ATP2B1: variants seen among roughly 807,000 people sequenced by gnomAD.
The protein encoded by ATP2B1 is ATPase plasma membrane Ca2+ transporting 1, also known as plasma membrane calcium-transporting ATPase 1.
Under a neutral mutation model 124.2 loss-of-function variants are expected in ATP2B1, and 14 were observed. The observed-to-expected ratio is 0.11, with a 90% CI of 0.07 to 0.18. The LOEUF (loss-of-function observed/expected upper bound fraction) is 0.18, where lower values mean the gene tolerates loss of function less well. ATP2B1 is among the 10% of genes least tolerant of loss of function. The pLI, the probability that ATP2B1 is intolerant of heterozygous loss-of-function variation, is 1.00. For missense variants in ATP2B1, 763 were observed against 1,466.1 expected (o/e 0.52, Z 7.83); for synonymous variants, 449 against 492.4 (o/e 0.91, Z 1.17).
chr12:89,623,577 G>C (rs1469189558), intron 9 of ATP2B1, among the ~76,000 whole-genome samples: 1 of 152,154 alleles, frequency 6.6e-6, no homozygotes, highest in Non-Finnish European at 1.5e-5. Flanking sequence ...TAAAGAAAGA[G>C]AGCAGGTTAC....
chr12:89,662,565 T>C (rs751244074), intron 1 of ATP2B1, among the ~76,000 whole-genome samples: 7 of 152,172 alleles, frequency 4.6e-5, no homozygotes, highest in Non-Finnish European at 1.0e-4. Context: ...ACATAAAAGA[T>C]CATTAAACCT....
intron 12 of ATP2B1, 125 bp from the exon 13 acceptor site, chr12:89,611,497 A>C (rs945002962): frequency 2.7e-5 from 19 of 706,814 alleles, no homozygotes; most frequent in Admixed American, 6.8e-5. Context: ...CAATGACTTA[A>C]TAATGATTGA....
At chr12:89,614,009 T>C (rs1452534177) in intron 12 of ATP2B1, among the ~76,000 whole-genome samples, 2 of 152,194 alleles carry the variant, frequency 1.3e-5, no homozygotes, top group African/African-American at 4.8e-5. Context: ...TCTCATTTTG[T>C]GATACTGAAA....
intron 1 of ATP2B1, among the ~76,000 whole-genome samples, chr12:89,671,038 A>G (rs1887908577): frequency 6.6e-6 from 1 of 152,058 alleles, no homozygotes; most frequent in South Asian, 2.1e-4. Flanking sequence ...AAGGAATTAA[A>G]ATTTAAAATC....
intron 20 of ATP2B1, 93 bp downstream of exon 20, chr12:89,599,024 G>C: frequency 7.1e-7 from 1 of 1,416,754 alleles, no homozygotes; most frequent in Non-Finnish European, 9.6e-7. Context: ...GGGAAGGCTA[G>C]AGAGGAAGTT....
At chr12:89,622,649 G>A (rs975330229) in intron 9 of ATP2B1, among the ~76,000 whole-genome samples, 3 of 152,046 alleles carry the variant, frequency 2.0e-5, no homozygotes, top group African/African-American at 4.8e-5. Flanking sequence ...AAAAACGGAT[G>A]TGTATTTCCT....
Position 89,621,803 on chromosome 12 carries a change from A to AG in ATP2B1, c.1345-13_1345-12insC, listed in dbSNP as rs557874927. The AG allele has an allele frequency of 8.5e-7, 1 of 1,178,486 alleles. No homozygotes were observed. Among genetic ancestry groups the AG allele is most frequent in the Non-Finnish European group, 1.1e-6 (1 of 921,294 alleles). 73.0% of individuals were successfully genotyped at this position (1,178,486 alleles called of 1,614,324 possible). On this transcript the variant is annotated splice_polypyrimidine_tract_variant and intron_variant, in intron 9 of 20. Coordinates refer to ENST00000428670, the MANE Select transcript of ATP2B1 (RefSeq NM_001366521.1). Reference sequence around the variant, plus strand: ...TCTTTCATCATTTTCTACAGTGACCAAAAAAAAAAAACTAGTTAAGCTGCA... The same window carrying AG: ...TCTTTCATCATTTTCTACAGTGACCAGAAAAAAAAAAACTAGTTAAGCTGCA...
intron 11 of ATP2B1, among the ~76,000 whole-genome samples, chr12:89,618,090 AT>A (rs141357525): frequency 0.036 from 5,374 of 149,640 alleles, 295 homozygotes; most frequent in African/African-American, 0.13. Flanking sequence ...TCTCTAGTTG[AT>A]TTTTTTTTTC....
chr12:89,608,840 T>C (rs1877460905), intron 15 of ATP2B1, among the ~76,000 whole-genome samples: 1 of 152,220 alleles, frequency 6.6e-6, no homozygotes, highest in Non-Finnish European at 1.5e-5. Context: ...CACTTAATTA[T>C]TCCATAGACC....
intron 3 of ATP2B1, among the ~76,000 whole-genome samples, chr12:89,638,204 A>T (rs1046897311): frequency 6.6e-6 from 1 of 152,246 alleles, no homozygotes; most frequent in Admixed American, 6.5e-5. Flanking sequence ...AAGCTCAAAT[A>T]TAATAATAAA....
intron 7 of ATP2B1, 34 bp downstream of exon 7, chr12:89,627,644 C>T: frequency 1.2e-6 from 2 of 1,607,084 alleles, no homozygotes; most frequent in Non-Finnish European, 1.7e-6. Flanking sequence ...ATAATGAAAA[C>T]AAGCTCACTG....
At position 89,630,629 on chromosome 12, in the gene ATP2B1, T is replaced by C; in HGVS notation, c.804A>G (p.Glu268=). 1.3e-6 allele frequency: 2 copies of C among 1,582,912 alleles called. No homozygotes were observed. Among genetic ancestry groups the C allele is most frequent in the South Asian group, 1.2e-5 (1 of 85,688 alleles). ...PLLLSGTHVM[E]GSGRMVVTAV... ...CTGTAACTACCATTCTTCCAGAGCC[T>C]TCCATTACATGAGTACCTATAACCA... The change falls in exon 6 of 21, where the codon GAA becomes GAG. Residue 268 remains glutamate, a synonymous_variant. Coordinates refer to ENST00000428670, the MANE Select transcript of ATP2B1 (RefSeq NM_001366521.1).
intron 18 of ATP2B1, 73 bp downstream of exon 18, chr12:89,602,970 G>A (rs935240476): frequency 7.6e-7 from 1 of 1,315,176 alleles, no homozygotes; most frequent in Non-Finnish European, 1.1e-6. Context: ...ACAAGTGATT[G>A]CTAGAACAAG....
Position 89,592,050 on chromosome 12 carries a change from C to T in ATP2B1, c.3352-755G>A, listed in dbSNP as rs550161458. ...TTCTGTGAAAAATTTCCCAAGAAGA[C>T]ACAAAGTGTTAAAAGTTTTCTAGTA... On this transcript the variant is annotated intron_variant, in intron 20 of 20. Transcript: ENST00000428670. Among the ~76,000 whole-genome samples the T allele has an allele frequency of 3.9e-5, 6 of 152,094 alleles. No individual in the cohort carries two copies. In the East Asian group the frequency reaches 9.7e-4, roughly 24 times the overall value.
At position 89,699,876 on chromosome 12, in the gene ATP2B1, CCT is replaced by C. The variant is rs1452268155; in HGVS notation, c.-222+8718_-222+8719del. ...TATTTTTTGAGACAGAGACGGTCTC[CCT>C]CTGTCGCCCAGGCTGTAGTGCTGTG... On this transcript the variant is annotated intron_variant, in intron 1 of 20. Transcript: ENST00000428670. 9.9e-5 allele frequency among the ~76,000 whole-genome samples: 15 copies of C among 152,074 alleles called. 1 individual carries two copies. Among genetic ancestry groups the C allele is most frequent in the African/African-American group, 3.6e-4 (15 of 41,490 alleles).
chr12:89,625,531 G>A (rs146682284), intron 8 of ATP2B1, among the ~76,000 whole-genome samples: 2 of 146,430 alleles, frequency 1.4e-5, no homozygotes, highest in Non-Finnish European at 3.0e-5. Flanking sequence ...GGTTCAGTGA[G>A]CTGTGATCAT....
chr12:89,633,995 T>C (rs1026782617), intron 5 of ATP2B1, among the ~76,000 whole-genome samples: 1 of 152,144 alleles, frequency 6.6e-6, no homozygotes, highest in Non-Finnish European at 1.5e-5. Flanking sequence ...TGTGATACTA[T>C]AGCTTTCTCT....
At chr12:89,674,601 A>ACC (rs1888396138) in intron 1 of ATP2B1, among the ~76,000 whole-genome samples, 4 of 152,200 alleles carry the variant, frequency 2.6e-5, no homozygotes, top group South Asian at 4.1e-4. Flanking sequence ...TGATGATGGT[A>ACC]ACAATAGCTA....
intron 9 of ATP2B1, among the ~76,000 whole-genome samples, chr12:89,622,111 T>C (rs1446624524): frequency 6.6e-6 from 1 of 152,028 alleles, no homozygotes; most frequent in Non-Finnish European, 1.5e-5. Flanking sequence ...TTTTGCAAAA[T>C]GTCCTCACAT....
Sources: gnomAD v4.1 joint callset for allele counts (sites outside exome capture counted in the v4.1 genomes callset) on GRCh38, gnomAD v4.1.1 for gene constraint, MANE v1.5 for transcripts, NCBI Gene and HGNC (gene_info 2026-07-23, HGNC 2026-07-21) for gene names.